Variants in TMTC1 observed in about 807,000 individuals in gnomAD.
TMTC1 encodes the protein protein O-mannosyl-transferase TMTC1.
TMTC1 carries 73 observed loss-of-function variants against 104.8 expected under a neutral mutation model. The observed-to-expected ratio is 0.70, with a 90% CI of 0.58 to 0.85. The LOEUF (loss-of-function observed/expected upper bound fraction) is 0.85, where lower values mean the gene tolerates loss of function less well. TMTC1 is among the 40% of genes least tolerant of loss of function. TMTC1 has a pLI of 0.00. For missense variants in TMTC1, 1,035 were observed against 1,096.1 expected (o/e 0.94, Z 0.79); for synonymous variants, 434 against 428.7 (o/e 1.01, Z -0.15).
At chr12:29,686,241 T>G (rs988075783) in intron 5 of TMTC1, among the ~76,000 whole-genome samples, 1 of 152,226 alleles carries the variant, frequency 6.6e-6, no homozygotes, top group African/African-American at 2.4e-5. Context: ...GCAGCTCTTC[T>G]GTGGCTTTTC....
At chr12:29,541,671 T>A (rs1220897617) in intron 10 of TMTC1, among the ~76,000 whole-genome samples, 1 of 148,942 alleles carries the variant, frequency 6.7e-6, no homozygotes. Flanking sequence ...TTTTTTTTTT[T>A]TTTTTGAGAC....
At chr12:29,772,287 A>C (rs966944114) in intron 1 of TMTC1, among the ~76,000 whole-genome samples, 2 of 152,194 alleles carry the variant, frequency 1.3e-5, no homozygotes, top group African/African-American at 2.4e-5. Context: ...AAGGGCTCAC[A>C]ATTTGCCATA....
chr12:29,710,574 T>C (rs956842822), intron 5 of TMTC1, among the ~76,000 whole-genome samples: 1 of 145,030 alleles, frequency 6.9e-6, no homozygotes, highest in Non-Finnish European at 1.5e-5. Flanking sequence ...TTGTATATAA[T>C]GTATATATAT....
At chr12:29,741,530 T>C (rs1218568554) in intron 5 of TMTC1, among the ~76,000 whole-genome samples, 1 of 152,210 alleles carries the variant, frequency 6.6e-6, no homozygotes, top group Non-Finnish European at 1.5e-5. Flanking sequence ...CTAAAGTAAT[T>C]GGCCCAAGGG....
intron 6 of TMTC1, among the ~76,000 whole-genome samples, chr12:29,626,720 A>T (rs538238821): frequency 7.2e-5 from 11 of 152,328 alleles, no homozygotes; most frequent in African/African-American, 2.4e-4. Flanking sequence ...AATCTTCATG[A>T]CCTTGGATTT....
rs1943883752 is a variant in TMTC1 at position 29,783,465 on chromosome 12, C to G, written c.287G>C (p.Cys96Ser). 1.5e-6 allele frequency: 2 copies of G among 1,333,802 alleles called. No homozygotes were observed. Among genetic ancestry groups the G allele is most frequent in the African/African-American group, 3.0e-5 (2 of 66,638 alleles). The allele number at this position is 1,333,802 out of a possible 1,614,324, so 82.6% of individuals were successfully genotyped here. ...NTSHKSYRPL[C>S]VLTFKLNIFL... ...AGGGACTCACTTGAAGGTGAGGACG[C>G]AGAGCGGCCGGTAGGACTTGTGGCT... is the stretch of plus-strand genomic sequence containing the variant. The change falls in exon 1 of 18, where the codon TGC becomes TCC. Residue 96 changes from cysteine (C) to serine (S), a missense_variant. Coordinates refer to ENST00000539277, the MANE Select transcript of TMTC1 (RefSeq NM_001193451.2). The surrounding 1 kb of genome is among the most constrained non-coding windows in gnomAD (Gnocchi z 4.7).
At chr12:29,701,614 T>C (rs1049558632) in intron 5 of TMTC1, among the ~76,000 whole-genome samples, 1 of 152,228 alleles carries the variant, frequency 6.6e-6, no homozygotes, top group Admixed American at 6.5e-5. Flanking sequence ...CCCTAGTAAA[T>C]CTCTTTTATG....
chr12:29,604,017 C>T (rs777273815), intron 7 of TMTC1, among the ~76,000 whole-genome samples, 161 bp downstream of exon 7: 18 of 152,202 alleles, frequency 1.2e-4, no homozygotes, highest in Non-Finnish European at 2.2e-4. Flanking sequence ...GACATTTGCT[C>T]TCATCCAACC....
Position 29,751,833 on chromosome 12 carries a change from GGGCTGCTGT to G in TMTC1, c.762_770del (p.Gln255_Pro257del). On this transcript the variant is annotated inframe_deletion, in exon 5 of 18. Transcript: ENST00000539277. ...GCAGTGAGGAGGGCTGGGGGCTCCC[GGGCTGCTGT>G]GGGCTGCGTGGACAGAGGGCCCCAT... The G allele has an allele frequency of 6.3e-7, 1 of 1,591,848 alleles. No homozygotes were observed. Among genetic ancestry groups the G allele is most frequent in the Non-Finnish European group, 8.6e-7 (1 of 1,168,914 alleles).
At chr12:29,548,404 C>A (rs1037478349) in intron 10 of TMTC1, among the ~76,000 whole-genome samples, 15 of 152,116 alleles carry the variant, frequency 9.9e-5, no homozygotes, top group African/African-American at 3.4e-4. Context: ...TCTTGAATTG[C>A]AGCTCCCATA....
At chr12:29,521,545 C>T (rs1338664961) in intron 11 of TMTC1, among the ~76,000 whole-genome samples, 2 of 147,982 alleles carry the variant, frequency 1.4e-5, no homozygotes, top group Admixed American at 6.8e-5. Flanking sequence ...TTTTTAGGTA[C>T]ATTTTTCTTT....
At chr12:29,631,032 AT>A (rs1308429725) in intron 6 of TMTC1, among the ~76,000 whole-genome samples, 1 of 152,162 alleles carries the variant, frequency 6.6e-6, no homozygotes, top group Admixed American at 6.5e-5. Context: ...CTTTTCATGT[AT>A]TTATTAATTA....
At chr12:29,633,406 A>C in intron 5 of TMTC1, 70 bp from the exon 6 acceptor site, 1 of 1,307,374 alleles carries the variant, frequency 7.6e-7, no homozygotes, top group African/African-American at 1.5e-5. Flanking sequence ...TTCAGTCACC[A>C]TATTTTTATT....
intron 5 of TMTC1, chr12:29,658,590 A>G: frequency 5.1e-6 from 1 of 196,284 alleles, no homozygotes; most frequent in South Asian, 9.9e-5. Flanking sequence ...CACCAACAGC[A>G]GCTGGGTAAC....
At chr12:29,652,144 G>A (rs1330782032) in intron 5 of TMTC1, among the ~76,000 whole-genome samples, 2 of 152,206 alleles carry the variant, frequency 1.3e-5, no homozygotes, top group Non-Finnish European at 2.9e-5. Flanking sequence ...AAGGAAAGAA[G>A]AGTGGCCATG....
At chr12:29,620,351 C>A (rs986087123) in intron 6 of TMTC1, among the ~76,000 whole-genome samples, 4 of 152,170 alleles carry the variant, frequency 2.6e-5, no homozygotes, top group African/African-American at 4.8e-5. Context: ...AGCCTTGGGA[C>A]TCTCAATCTG....
At chr12:29,714,074 C>T (rs1314093289) in intron 5 of TMTC1, among the ~76,000 whole-genome samples, 1 of 152,190 alleles carries the variant, frequency 6.6e-6, no homozygotes, top group African/African-American at 2.4e-5. Flanking sequence ...TCTACCAGCA[C>T]CTTGATCTTG....
chr12:29,584,421 T>C, intron 7 of TMTC1, among the ~76,000 whole-genome samples: 1 of 152,142 alleles, frequency 6.6e-6, no homozygotes, highest in East Asian at 1.9e-4. Flanking sequence ...TTTTCTTACT[T>C]CTTCTTTTAT....
chr12:29,727,785 TTTTTG>T (rs1555193130), intron 5 of TMTC1, among the ~76,000 whole-genome samples: 1 of 151,794 alleles, frequency 6.6e-6, no homozygotes, highest in African/African-American at 2.4e-5. Context: ...TTGTAGCAGT[TTTTTG>T]TTTTGTTTTG....
Sources: gnomAD v4.1 joint callset for allele counts (sites outside exome capture counted in the v4.1 genomes callset) on GRCh38, gnomAD v4.1.1 for gene constraint, Gnocchi (gnomAD v3.1) non-coding constraint, MANE v1.5 for transcripts, NCBI Gene and HGNC (gene_info 2026-07-23, HGNC 2026-07-21) for gene names.